Variants in RPS6KC1 observed in about 807,000 individuals in gnomAD.
RPS6KC1 encodes ribosomal protein S6 kinase C1.
A neutral mutation model predicts 103.8 loss-of-function variants in RPS6KC1; 54 were observed. That is an observed-to-expected ratio of 0.52 (90% CI 0.42 to 0.65). The LOEUF is 0.65. Among genes scored for constraint, RPS6KC1 ranks in the 30% least tolerant of loss-of-function variants. The pLI, the probability that RPS6KC1 is intolerant of heterozygous loss-of-function variation, is 0.00. For synonymous variants in RPS6KC1, 439 were observed against 438.7 expected (o/e 1.00, Z -0.01); for missense variants, 1,151 against 1,253.8 (o/e 0.92, Z 1.24).
At chr1:213,092,570 G>A (rs1243800756) in intron 3 of RPS6KC1, among the ~76,000 whole-genome samples, 1 of 151,980 alleles carries the variant, frequency 6.6e-6, no homozygotes, top group Admixed American at 6.5e-5. Context: ...TACTCAGGGG[G>A]CTGAGGCAGG....
At chr1:213,697,203 A>C in the RPS6KC1 span, among the ~76,000 whole-genome samples, 2 of 152,154 alleles carry the variant, frequency 1.3e-5, no homozygotes, top group African/African-American at 2.4e-5. Context: ...TGGGCATGCC[A>C]CCCTCCAGGA....
the RPS6KC1 span, among the ~76,000 whole-genome samples, chr1:213,634,806 AC>A: frequency 7.3e-5 from 11 of 151,176 alleles, no homozygotes; most frequent in Middle Eastern, 6.9e-3. Flanking sequence ...AAAAAAAAAA[AC>A]CCTTCAAAAA....
intron 14 of RPS6KC1, among the ~76,000 whole-genome samples, chr1:213,263,051 G>C (rs562893870): frequency 6.6e-6 from 1 of 152,054 alleles, no homozygotes; most frequent in Non-Finnish European, 1.5e-5. Flanking sequence ...CAAAAATTTA[G>C]GGCTCACAGT....
At chr1:213,314,776 A>G in the RPS6KC1 span, among the ~76,000 whole-genome samples, 2 of 151,964 alleles carry the variant, frequency 1.3e-5, no homozygotes, top group African/African-American at 4.8e-5. Flanking sequence ...GAATAATATG[A>G]TATTTAGTTA....
At chr1:213,103,978 T>A (rs1175974725) in intron 3 of RPS6KC1, among the ~76,000 whole-genome samples, 12 of 152,228 alleles carry the variant, frequency 7.9e-5, no homozygotes. Context: ...AAAAGCTTTT[T>A]GCTTCAAGCT....
At chr1:213,233,104 T>C (rs1408697446) in intron 10 of RPS6KC1, among the ~76,000 whole-genome samples, 2 of 152,206 alleles carry the variant, frequency 1.3e-5, no homozygotes, top group Non-Finnish European at 1.5e-5. Context: ...AAGTCATTGC[T>C]TTCTGGAATG....
At chr1:213,611,497 G>A in the RPS6KC1 span, among the ~76,000 whole-genome samples, 1 of 152,232 alleles carries the variant, frequency 6.6e-6, no homozygotes, top group South Asian at 2.1e-4. Context: ...ATTTCCTAAC[G>A]TGTGCTTCTC....
At chr1:213,716,766 T>C in the RPS6KC1 span, among the ~76,000 whole-genome samples, 2 of 152,212 alleles carry the variant, frequency 1.3e-5, no homozygotes, top group African/African-American at 4.8e-5. Flanking sequence ...CTTTTTCATC[T>C]TTCTTTCCTT....
intron 2 of RPS6KC1, 127 bp downstream of exon 2, chr1:213,071,168 T>G: frequency 1.8e-6 from 1 of 552,658 alleles, no homozygotes; most frequent in Admixed American, 3.9e-5. Context: ...TCGCTCCTGT[T>G]GCTCAGGCTG....
At chr1:213,521,070 T>C in the RPS6KC1 span, among the ~76,000 whole-genome samples, 2 of 152,222 alleles carry the variant, frequency 1.3e-5, no homozygotes, top group South Asian at 2.1e-4. Context: ...ATATGCTCTG[T>C]TCTACAATTT....
At chr1:213,134,899 A>G (rs573385117) in intron 6 of RPS6KC1, among the ~76,000 whole-genome samples, 348 of 152,174 alleles carry the variant, frequency 2.3e-3, no homozygotes, top group African/African-American at 8.2e-3. Flanking sequence ...CTTCCTTTTC[A>G]ATTTGGATGG....
chr1:213,770,105 C>A, the RPS6KC1 span, among the ~76,000 whole-genome samples: 1 of 152,170 alleles, frequency 6.6e-6, no homozygotes. Context: ...ACTTTGAACA[C>A]GGAAGTGCTG....
chr1:213,406,626 A>G, the RPS6KC1 span, among the ~76,000 whole-genome samples: 2 of 151,868 alleles, frequency 1.3e-5, no homozygotes, highest in African/African-American at 4.8e-5. Context: ...CTTAATCACA[A>G]CTCTTCTAAT....
At chr1:213,283,642 G>T in the RPS6KC1 span, among the ~76,000 whole-genome samples, 1 of 152,144 alleles carries the variant, frequency 6.6e-6, no homozygotes, top group East Asian at 1.9e-4. Context: ...AGATAGGGGG[G>T]ATTAGAGGGC....
At chr1:213,591,657 G>T in the RPS6KC1 span, among the ~76,000 whole-genome samples, 2 of 152,196 alleles carry the variant, frequency 1.3e-5, no homozygotes, top group Admixed American at 6.5e-5. Flanking sequence ...TCACACTGGG[G>T]CCCCTGGGTA....
At chr1:213,051,595 C>G in intron 1 of RPS6KC1, 86 bp downstream of exon 1, 1 of 982,036 alleles carries the variant, frequency 1.0e-6, no homozygotes, top group South Asian at 1.4e-5. Flanking sequence ...GTACCTGACT[C>G]TGGCTCAGAG....
At chr1:213,270,665 A>G (rs978959094) in intron 14 of RPS6KC1, among the ~76,000 whole-genome samples, 2 of 152,184 alleles carry the variant, frequency 1.3e-5, no homozygotes, top group Non-Finnish European at 2.9e-5. Context: ...AAGACAAGTC[A>G]CAGACTGGGA....
chr1:213,191,956 G>A (rs541523451), intron 8 of RPS6KC1, among the ~76,000 whole-genome samples: 73 of 152,056 alleles, frequency 4.8e-4, no homozygotes, highest in Admixed American at 2.0e-3. Flanking sequence ...CTACAGGCAC[G>A]TGTCACCATG....
chr1:213,111,718 G>A lies in RPS6KC1; in HGVS notation c.379-5599G>A, dbSNP rs1470122459. 2.6e-5 allele frequency among the ~76,000 whole-genome samples: 4 copies of A among 152,182 alleles called. No homozygotes were observed. The South Asian group carries it at 8.3e-4, about 32-fold the overall frequency. ...GTCTTAGTTAGAAGACATTTTATAG[G>A]TCGGTAACTTAAATCGCACACCTAG... On this transcript the variant is annotated intron_variant, in intron 4 of 14. Transcript: ENST00000366960.
Sources: gnomAD v4.1 joint callset for allele counts (sites outside exome capture counted in the v4.1 genomes callset) on GRCh38, gnomAD v4.1.1 for gene constraint, MANE v1.5 for transcripts, NCBI Gene and HGNC (gene_info 2026-07-23, HGNC 2026-07-21) for gene names.